Variants in TBC1D8 observed in about 807,000 individuals in gnomAD.
TBC1D8 encodes the protein BUB2-like protein 1.
Under a neutral mutation model 118.8 loss-of-function variants are expected in TBC1D8, and 65 were observed. The observed-to-expected ratio is 0.55, with a 90% confidence interval of 0.45 to 0.67. The LOEUF (loss-of-function observed/expected upper bound fraction) is 0.67. TBC1D8 is among the 30% of genes least tolerant of loss of function. The probability of loss-of-function intolerance (pLI) is 0.00; values close to 1 mark genes in which losing one functional copy is unlikely to be tolerated. For synonymous variants in TBC1D8, 566 were observed against 595.8 expected, an observed-to-expected ratio of 0.95 and a Z score of 0.73; for missense variants, 1,376 against 1,471.2, an observed-to-expected ratio of 0.94 and a Z score of 1.06.
chr2:101,037,831 G>A, intron 7 of TBC1D8, 123 bp from the exon 8 acceptor site: 1 of 1,213,020 alleles, frequency 8.2e-7, no homozygotes, highest in Non-Finnish European at 1.2e-6. Context: ...AATGACTCAG[G>A]GGGAAGACAG....
intron 11 of TBC1D8, 174 bp from the exon 12 acceptor site, chr2:101,029,950 A>G: frequency 1.6e-6 from 1 of 611,882 alleles, no homozygotes; most frequent in South Asian, 2.6e-5. Flanking sequence ...TTCAATGGGT[A>G]AAAGATAGCC....
At chr2:101,029,004 A>C (rs1680512710) in intron 12 of TBC1D8, among the ~76,000 whole-genome samples, 1 of 152,234 alleles carries the variant, frequency 6.6e-6, no homozygotes, top group Non-Finnish European at 1.5e-5. Context: ...GGAGTGAGGG[A>C]CAATGGCACC....
intron 1 of TBC1D8, among the ~76,000 whole-genome samples, chr2:101,110,714 C>T (rs1233900638): frequency 6.6e-6 from 1 of 152,268 alleles, no homozygotes; most frequent in East Asian, 1.9e-4. Context: ...CGGTGTCTCA[C>T]ATCTGTAATC....
rs1489058150 is a variant in TBC1D8, at chr2:101,022,511, A to G, written c.2531T>C (p.Met844Thr). 6.3e-7 allele frequency: 1 copy of G among 1,592,068 alleles called. No individual in the cohort carries two copies. The highest frequency in any genetic ancestry group is 8.5e-7 in the Non-Finnish European group (1 of 1,174,422). The change falls in exon 16 of 20, where the codon ATG becomes ACG. Residue 844 changes from methionine (M) to threonine (T), a missense_variant. Physicochemically the swap from Met to Thr is moderately conservative, Grantham distance 81. Coordinates refer to ENST00000409318, the MANE Select transcript of TBC1D8 (RefSeq NM_001330348.2). ...GGGCTGCTCCCAGTAACAGCTCATC[A>G]TATGTTCTCTCTTCAAACAAGAGGG... ...ELYDLFKREHMMSCYWEQPRP... is the reference protein window; with the variant it reads ...ELYDLFKREHTMSCYWEQPRP...
intron 1 of TBC1D8, 134 bp downstream of exon 1, chr2:101,150,993 C>T: frequency 1.6e-6 from 1 of 618,720 alleles, no homozygotes; most frequent in South Asian, 7.1e-5. Context: ...AACAAGCCCG[C>T]GGCAGGGCCG....
At chr2:101,042,470 T>C (rs370102535) in intron 5 of TBC1D8, among the ~76,000 whole-genome samples, 4 of 152,222 alleles carry the variant, frequency 2.6e-5, no homozygotes, top group African/African-American at 9.6e-5. Flanking sequence ...TGAGACTCTC[T>C]GTATCTCATT....
At chr2:101,045,358 T>A (rs1681633572) in intron 5 of TBC1D8, among the ~76,000 whole-genome samples, 1 of 152,194 alleles carries the variant, frequency 6.6e-6, no homozygotes, top group Admixed American at 6.5e-5. Flanking sequence ...TGTCTCCCCA[T>A]CCACCCACTA....
At chr2:101,122,783 A>T (rs1678187817) in intron 1 of TBC1D8, among the ~76,000 whole-genome samples, 1 of 152,204 alleles carries the variant, frequency 6.6e-6, no homozygotes. Flanking sequence ...AATTTTGAAG[A>T]CAGATCCGCT....
At chr2:101,043,816 T>G (rs568307086) in intron 5 of TBC1D8, among the ~76,000 whole-genome samples, 2 of 152,076 alleles carry the variant, frequency 1.3e-5, no homozygotes, top group Non-Finnish European at 2.9e-5. Context: ...GACGGGTGCC[T>G]GTAAACCCAG....
At position 101,007,745 on chromosome 2, in the gene TBC1D8, A is replaced by C; in HGVS notation, c.*76T>G. On this transcript the variant is annotated 3_prime_UTR_variant, in exon 20 of 20. Coordinates refer to ENST00000409318, the MANE Select transcript of TBC1D8 (RefSeq NM_001330348.2). ...GTAAGGTAGACTGAAATCTCGGTTT[A>C]GGGCTGACCCCAAGAAACAGTCTGG... is the stretch of plus-strand genomic sequence containing the variant. The C allele has an allele frequency of 6.8e-7, 1 of 1,466,112 alleles. No individual in the cohort carries two copies. The highest frequency in any genetic ancestry group is 9.3e-7 in the Non-Finnish European group (1 of 1,073,836). The allele number at this position is 1,466,112 out of a possible 1,614,324, so 90.8% of individuals were successfully genotyped here.
rs369860213 is a variant in TBC1D8, at chr2:101,028,587, G to A, written c.2223-155C>T. On this transcript the variant is annotated intron_variant, in intron 12 of 19. Coordinates refer to ENST00000409318, the MANE Select transcript of TBC1D8 (RefSeq NM_001330348.2). ...GCTGCTCGGCTTATTTTAGAGAAGC[G>A]AGAGGCAGTCATGAAGCCCGGCTTG... 7.3e-5 allele frequency: 84 copies of A among 1,145,298 alleles called. No individual in the cohort carries two copies. In the African/African-American group the frequency reaches 1.0e-3, roughly 14 times the overall value. 70.9% of individuals were successfully genotyped at this position (1,145,298 alleles called of 1,614,324 possible).
chr2:101,057,121 A>G (rs889403289), intron 3 of TBC1D8, among the ~76,000 whole-genome samples: 9 of 152,348 alleles, frequency 5.9e-5, no homozygotes, highest in Non-Finnish European at 7.3e-5. Flanking sequence ...TTTGAGCTGA[A>G]GAAAACTGAG....
At chr2:101,140,285 T>C (rs1245336242) in intron 1 of TBC1D8, among the ~76,000 whole-genome samples, 2 of 152,186 alleles carry the variant, frequency 1.3e-5, no homozygotes, top group Admixed American at 1.3e-4. Flanking sequence ...ATATCTTTAA[T>C]TTCAAATAAA....
chr2:101,027,007 TA>T (rs1680375986), intron 15 of TBC1D8, among the ~76,000 whole-genome samples: 3 of 152,250 alleles, frequency 2.0e-5, no homozygotes, highest in African/African-American at 7.2e-5. Context: ...AATTAAAAAG[TA>T]TTATCAGGTG....
At chr2:101,141,123 C>T (rs889354975) in intron 1 of TBC1D8, among the ~76,000 whole-genome samples, 1 of 151,774 alleles carries the variant, frequency 6.6e-6, no homozygotes, top group African/African-American at 2.4e-5. Context: ...GGCTTTAGCT[C>T]CCTTTCACTG....
chr2:101,116,187 C>G (rs943681341), intron 1 of TBC1D8, among the ~76,000 whole-genome samples: 4 of 152,144 alleles, frequency 2.6e-5, no homozygotes, highest in African/African-American at 9.7e-5. Context: ...GAAGTACTAT[C>G]TTAGTATTTG....
intron 17 of TBC1D8, among the ~76,000 whole-genome samples, chr2:101,012,194 ATC>A (rs1425613424): frequency 6.6e-6 from 1 of 152,236 alleles, no homozygotes; most frequent in African/African-American, 2.4e-5. Flanking sequence ...TGACTCAGAA[ATC>A]TCACTTCTAC....
intron 14 of TBC1D8, among the ~76,000 whole-genome samples, chr2:101,027,761 G>A (rs1343105331): frequency 3.3e-5 from 5 of 152,166 alleles, no homozygotes; most frequent in Non-Finnish European, 5.9e-5. Flanking sequence ...ATGCCCCTGC[G>A]GGCCCCCTGT....
intron 5 of TBC1D8, among the ~76,000 whole-genome samples, chr2:101,049,771 T>C (rs575229925): frequency 1.3e-5 from 2 of 151,432 alleles, no homozygotes; most frequent in African/African-American, 2.4e-5. Context: ...AATGTCTTAA[T>C]GTTCACTAGC....
Sources: allele counts gnomAD v4.1 joint callset (sites outside exome capture counted in the v4.1 genomes callset), GRCh38; gene constraint gnomAD v4.1.1; transcripts MANE v1.5; gene names NCBI Gene and HGNC (gene_info 2026-07-23, HGNC 2026-07-21).